POLE2: variants seen among roughly 807,000 people sequenced by gnomAD.
The protein encoded by POLE2 is DNA polymerase epsilon 2, accessory subunit, also known as DNA polymerase epsilon subunit 2.
A neutral mutation model predicts 79.4 loss-of-function variants in POLE2; 56 were observed. That is an observed-to-expected ratio of 0.71 (90% CI 0.57 to 0.88). POLE2 has a LOEUF of 0.88. Among genes scored for constraint, POLE2 ranks in the 40% least tolerant of loss-of-function variants. The probability of loss-of-function intolerance (pLI) is 0.00; values close to 1 mark genes in which losing one functional copy is unlikely to be tolerated. For missense variants in POLE2, 598 were observed against 638.9 expected (o/e 0.94, Z 0.69); for synonymous variants, 212 against 214.0 (o/e 0.99, Z 0.08).
In POLE2 at chr14:49,664,662, C is replaced by A. The variant is rs777349045; in HGVS notation, c.646G>T (p.Gly216Cys). 1.9e-6 allele frequency: 3 copies of A among 1,588,904 alleles called. No individual in the cohort carries two copies. The South Asian group carries it at 3.3e-5, about 18-fold the overall frequency. The change falls in exon 9 of 19, where the codon GGT becomes TGT. Residue 216 changes from glycine to cysteine, a missense_variant. By Grantham distance (159) the Gly-to-Cys change is radical. Coordinates refer to ENST00000216367, the MANE Select transcript of POLE2 (RefSeq NM_002692.4). The stretch of plus-strand genomic sequence containing the variant: ...ACAAAGCATGCCTCTGTGTATAAAC[C>A]ACTATGGAACTGGTACACAACAGTT... ...LDLSKAQFHS[G>C]LYTEACFVLA...
chr14:49,685,613 C>CT (rs536967383), intron 1 of POLE2, among the ~76,000 whole-genome samples: 5 of 151,774 alleles, frequency 3.3e-5, no homozygotes, highest in African/African-American at 7.2e-5. Context: ...CCTGTTCTTT[C>CT]TTTTTTTTCT....
At position 49,679,814 on chromosome 14, in the gene POLE2, TTCAAAG is replaced by T; in HGVS notation, c.170-20_170-15del. 1 of 1,518,016 alleles carries T rather than the reference TTCAAAG, an allele frequency of 6.6e-7. No individual in the cohort carries two copies. The highest frequency in any genetic ancestry group is 9.1e-7 in the Non-Finnish European group (1 of 1,103,000). The allele number at this position is 1,518,016 out of a possible 1,614,324, so 94.0% of individuals were successfully genotyped here. On this transcript the variant is annotated splice_polypyrimidine_tract_variant and intron_variant, in intron 2 of 18. Coordinates refer to ENST00000216367, the MANE Select transcript of POLE2 (RefSeq NM_002692.4). The stretch of plus-strand genomic sequence containing the variant: ...TGTTTGATGACACTGAAAAGAGAAT[TTCAAAG>T]TCAAAATTTAAAAACAAAAAAAAAA...
In POLE2 at chr14:49,683,665, G is replaced by A. The variant is rs371244840; in HGVS notation, c.97C>T (p.Leu33Phe). ...GEAIKYLTEA[L>F]QSISELELED... Reference sequence around the variant, plus strand: ...AGCTCTAATTCACTGATAGACTGAAGAGCTTCTGTGAGGTACTTAATAGCT... The same window carrying A: ...AGCTCTAATTCACTGATAGACTGAAAAGCTTCTGTGAGGTACTTAATAGCT... The change falls in exon 2 of 19, where the codon CTT becomes TTT. Residue 33 changes from leucine to phenylalanine, a missense_variant. Transcript: ENST00000216367. 3 of 1,582,558 alleles carry A rather than the reference G, an allele frequency of 1.9e-6. No homozygotes were observed. In the African/African-American group the frequency reaches 4.1e-5, roughly 21 times the overall value.
chr14:49,651,459 C>T (rs1201141126), intron 15 of POLE2, 82 bp from the exon 16 acceptor site: 7 of 594,818 alleles, frequency 1.2e-5, no homozygotes, highest in Admixed American at 6.3e-5. Context: ...TACAATACAA[C>T]CCCATTCCCA....
intron 3 of POLE2, chr14:49,677,459 C>T (rs944593018): frequency 4.3e-5 from 20 of 468,554 alleles, no homozygotes; most frequent in Non-Finnish European, 7.0e-5. Flanking sequence ...AGACGAGGGG[C>T]AGCCAGTTTT....
chr14:49,677,710 G>C (rs1489836571), intron 3 of POLE2: 4 of 1,384,848 alleles, frequency 2.9e-6, no homozygotes, highest in Non-Finnish European at 3.9e-6. Flanking sequence ...GTGACAGTGT[G>C]GCCCTTGCTG....
intron 10 of POLE2, among the ~76,000 whole-genome samples, chr14:49,656,705 C>T (rs1884705149): frequency 6.6e-6 from 1 of 152,194 alleles, no homozygotes; most frequent in Non-Finnish European, 1.5e-5. Flanking sequence ...TCCTGCAGTT[C>T]CCAGCTTAAA....
At chr14:49,683,725 C>G (rs1311327358) in intron 1 of POLE2, 32 bp from the exon 2 acceptor site, 1 of 1,114,398 alleles carries the variant, frequency 9.0e-7, no homozygotes, top group Admixed American at 2.0e-5. Context: ...TGAGGCAGGT[C>G]ATTAGTAATT....
At position 49,666,390 on chromosome 14, in the gene POLE2, C is replaced by T; in HGVS notation, c.516G>A (p.Leu172=). The change falls in exon 7 of 19, where the codon TTG becomes TTA. Residue 172 remains leucine, a synonymous_variant. Coordinates refer to ENST00000216367, the MANE Select transcript of POLE2 (RefSeq NM_002692.4). ...KFQLKTIETL[L]GSTTKIGDAI... ...CATCTCCGATTTTGGTTGTACTACC[C>T]AATAAGGTTTCTATTGTTTTAAGCT... The T allele has an allele frequency of 6.7e-7, 1 of 1,497,228 alleles. No homozygotes were observed. The highest frequency in any genetic ancestry group is 9.0e-7 in the Non-Finnish European group (1 of 1,105,926). 92.7% of individuals were successfully genotyped at this position (1,497,228 alleles called of 1,614,324 possible).
intron 17 of POLE2, among the ~76,000 whole-genome samples, chr14:49,649,488 C>T (rs1232564018): frequency 3.1e-5 from 4 of 128,624 alleles, no homozygotes; most frequent in South Asian, 2.5e-4. Flanking sequence ...CTCGCTCTGT[C>T]GCCCAGGCTG....
In POLE2 at chr14:49,647,380, CTG is replaced by C; in HGVS notation, c.1498-22_1498-21del. The C allele has an allele frequency of 7.3e-7, 1 of 1,362,514 alleles. No homozygotes were observed. Among genetic ancestry groups the C allele is most frequent in the Non-Finnish European group, 1.0e-6 (1 of 996,992 alleles). 84.4% of individuals were successfully genotyped at this position (1,362,514 alleles called of 1,614,324 possible). On this transcript the variant is annotated intron_variant, in intron 17 of 18. Coordinates refer to ENST00000216367, the MANE Select transcript of POLE2 (RefSeq NM_002692.4). ...AGAGCCCTTTGGGGGAGAAAAATGC[CTG>C]TAAGTGAATGCTCAGACTTTTTTTT... is the stretch of plus-strand genomic sequence containing the variant.
chr14:49,646,246 T>C (rs531173450), intron 18 of POLE2, among the ~76,000 whole-genome samples: 1 of 151,488 alleles, frequency 6.6e-6, no homozygotes, highest in South Asian at 2.1e-4. Flanking sequence ...AAGATTATAT[T>C]CTCTGACAAT....
chr14:49,667,288 G>C (rs1271698815), intron 6 of POLE2, among the ~76,000 whole-genome samples: 1 of 151,858 alleles, frequency 6.6e-6, no homozygotes, highest in Non-Finnish European at 1.5e-5. Context: ...CACCTATACA[G>C]TTTATTTACA....
Position 49,653,987 on chromosome 14 carries a change from T to G in POLE2, c.1211+3A>C. The G allele has an allele frequency of 6.7e-7, 1 of 1,501,502 alleles. No individual in the cohort carries two copies. The allele number at this position is 1,501,502 out of a possible 1,614,324, so 93.0% of individuals were successfully genotyped here. On this transcript the variant is annotated splice_donor_region_variant and intron_variant, in intron 15 of 18. Coordinates refer to ENST00000216367, the MANE Select transcript of POLE2 (RefSeq NM_002692.4). ...ATGTATAACACAAAATACTAATTCTTACCTGCAAGGATTAGTAGTAAAAAC... is the reference window on the plus strand; with the variant it reads ...ATGTATAACACAAAATACTAATTCTGACCTGCAAGGATTAGTAGTAAAAAC...
intron 3 of POLE2, among the ~76,000 whole-genome samples, chr14:49,679,227 G>T (rs1306373176): frequency 2.6e-5 from 4 of 152,016 alleles, no homozygotes; most frequent in African/African-American, 9.7e-5. Flanking sequence ...AGGAAAGAGG[G>T]ATATTCAGAG....
intron 3 of POLE2, among the ~76,000 whole-genome samples, chr14:49,675,534 C>T (rs1886213059): frequency 6.6e-6 from 1 of 151,704 alleles, no homozygotes; most frequent in Non-Finnish European, 1.5e-5. Context: ...CGGCCTCAAG[C>T]GATTCTCCCG....
intron 1 of POLE2, among the ~76,000 whole-genome samples, chr14:49,684,875 G>C (rs931397687): frequency 7.9e-5 from 12 of 151,944 alleles, no homozygotes; most frequent in African/African-American, 2.9e-4. Context: ...TACTTGGGAG[G>C]CTGAGGAGGG....
At chr14:49,657,504 G>A (rs567182280) in intron 10 of POLE2, among the ~76,000 whole-genome samples, 13 of 150,780 alleles carry the variant, frequency 8.6e-5, no homozygotes, top group East Asian at 2.0e-4. Context: ...GCAGCGGTGC[G>A]ATCTCAGCTC....
chr14:49,682,284 T>A (rs917355226), intron 2 of POLE2, among the ~76,000 whole-genome samples: 3 of 148,352 alleles, frequency 2.0e-5, no homozygotes, highest in Admixed American at 2.0e-4. Context: ...GGATTACAGG[T>A]GTTAGCCACC....
Sources: allele counts gnomAD v4.1 joint callset (sites outside exome capture counted in the v4.1 genomes callset), GRCh38; gene constraint gnomAD v4.1.1; transcripts MANE v1.5; gene names NCBI Gene and HGNC (gene_info 2026-07-23, HGNC 2026-07-21).